The following CELF4 variants were observed in gnomAD, a reference collection of about 807,000 sequenced individuals.
CELF4 encodes the protein CUG-BP- and ETR-3-like factor 4.
A neutral mutation model predicts 59.9 loss-of-function variants in CELF4; 18 were observed. That is an observed-to-expected ratio of 0.30 (90% CI 0.21 to 0.45). The LOEUF is 0.45. Ranked by LOEUF, CELF4 falls within the 20% of genes least tolerant of loss-of-function variation. The pLI, the probability that CELF4 is intolerant of heterozygous loss-of-function variation, is 1.00. For missense variants in CELF4, 456 were observed against 689.0 expected (o/e 0.66, Z 3.79); for synonymous variants, 261 against 267.1 (o/e 0.98, Z 0.22).
chr18:37,388,435 C>T (rs1317533528), intron 2 of CELF4, among the ~76,000 whole-genome samples: 1 of 151,524 alleles, frequency 6.6e-6, no homozygotes. Flanking sequence ...TTCCCCCCTC[C>T]TTCTCTCTCC....
intron 1 of CELF4, among the ~76,000 whole-genome samples, chr18:37,502,254 T>C (rs2099932649): frequency 6.6e-6 from 1 of 152,136 alleles, no homozygotes; most frequent in Non-Finnish European, 1.5e-5. Flanking sequence ...GCACAGACCT[T>C]CTCCATGAAA....
Position 37,448,694 on chromosome 18 carries a change from CCA to C in CELF4, c.369+36829_369+36830del, listed in dbSNP as rs561188148. Among the ~76,000 whole-genome samples, 15 of 152,374 alleles carry C rather than the reference CCA, an allele frequency of 9.8e-5. 1 individual carries two copies. The South Asian group carries it at 3.1e-3, about 32-fold the overall frequency. On this transcript the variant is annotated intron_variant, in intron 2 of 12. Coordinates refer to ENST00000420428, the MANE Select transcript of CELF4 (RefSeq NM_020180.4). ...ACTGCCAGGAATAGATGTGGCCACC[CCA>C]CTGCCTGCATGGGTCTGGCAGCCTC...
intron 3 of CELF4, among the ~76,000 whole-genome samples, chr18:37,303,859 A>T (rs1418060936): frequency 6.6e-6 from 1 of 151,938 alleles, no homozygotes; most frequent in Non-Finnish European, 1.5e-5. Flanking sequence ...GTTTCCAGAC[A>T]CTGTCATTCT....
At chr18:37,353,233 A>AAAAAAAAATATATATATATAT (rs71168258) in intron 2 of CELF4, among the ~76,000 whole-genome samples, 1 of 106,990 alleles carries the variant, frequency 9.3e-6, no homozygotes, top group Non-Finnish European at 1.8e-5. Context: ...AAAAAAAAAA[A>AAAAAAAAATATATATATATAT]ATATATATAT....
In CELF4 at chr18:37,245,860, A is replaced by C. The variant is rs1273463160; in HGVS notation, c.*45-663T>G. On this transcript the variant is annotated intron_variant, in intron 12 of 12. Coordinates refer to ENST00000420428, the MANE Select transcript of CELF4 (RefSeq NM_020180.4). This position sits in a 1 kb window ranked among gnomAD's most constrained non-coding sequence, Gnocchi z 4.1. ...ATATATACACACATACACACACATA[A>C]TACTTTTCTCATACATGCCAGGGAA... Among the ~76,000 whole-genome samples, 2 of 152,238 alleles carry C rather than the reference A, an allele frequency of 1.3e-5. No individual in the cohort carries two copies. The highest frequency in any genetic ancestry group is 4.8e-5 in the African/African-American group (2 of 41,458).
intron 2 of CELF4, among the ~76,000 whole-genome samples, chr18:37,362,227 T>C (rs1294459540): frequency 6.6e-6 from 1 of 152,114 alleles, no homozygotes; most frequent in Non-Finnish European, 1.5e-5. Flanking sequence ...TAACCAGTAA[T>C]TAGCTCCAGC....
At chr18:37,266,342 A>G in intron 9 of CELF4, 191 bp downstream of exon 9, 1 of 645,838 alleles carries the variant, frequency 1.5e-6, no homozygotes, top group East Asian at 2.7e-5. Context: ...ACCCCACTGC[A>G]GGGGCACTCT....
chr18:37,431,495 G>A (rs1194464779), intron 2 of CELF4, among the ~76,000 whole-genome samples: 1 of 150,986 alleles, frequency 6.6e-6, no homozygotes, highest in Non-Finnish European at 1.5e-5. Flanking sequence ...AGCCTCCTGA[G>A]TAGCTGGGAC....
At chr18:37,386,510 C>T (rs77644255) in intron 2 of CELF4, among the ~76,000 whole-genome samples, 4 of 152,050 alleles carry the variant, frequency 2.6e-5, no homozygotes, top group South Asian at 2.1e-4. Context: ...GGCGGAGAGC[C>T]GTACTGACTC....
intron 3 of CELF4, among the ~76,000 whole-genome samples, chr18:37,308,536 C>T (rs2096531275): frequency 6.6e-6 from 1 of 152,186 alleles, no homozygotes. Flanking sequence ...TCTCCCTGCC[C>T]CCAGACTGTA....
intron 3 of CELF4, among the ~76,000 whole-genome samples, chr18:37,290,694 A>T (rs541447490): frequency 7.9e-5 from 12 of 152,128 alleles, no homozygotes; most frequent in Admixed American, 7.9e-4. Flanking sequence ...TCAAACTACA[A>T]CCTGAGCCCA....
intron 2 of CELF4, among the ~76,000 whole-genome samples, chr18:37,484,920 A>G (rs2099877631): frequency 6.6e-6 from 1 of 152,066 alleles, no homozygotes; most frequent in South Asian, 2.1e-4. Flanking sequence ...ATCTCTCTGA[A>G]CCCACAGGAG....
chr18:37,374,325 G>A (rs1183359537), intron 2 of CELF4, among the ~76,000 whole-genome samples: 1 of 152,212 alleles, frequency 6.6e-6, no homozygotes, highest in Non-Finnish European at 1.5e-5. Flanking sequence ...CAGTGCACAG[G>A]GCGGTCCTCA....
rs1280813377 is a variant in CELF4 at position 37,393,806 on chromosome 18, A to G, written c.370-71925T>C. On this transcript the variant is annotated intron_variant, in intron 2 of 12. Coordinates refer to ENST00000420428, the MANE Select transcript of CELF4 (RefSeq NM_020180.4). The stretch of plus-strand genomic sequence containing the variant: ...TCTGAAGGTGCGGAGCACACTTGAC[A>G]GCGACAAATGCTACACTCAAATGAA... 2.0e-5 allele frequency among the ~76,000 whole-genome samples: 3 copies of G among 151,168 alleles called. No individual in the cohort carries two copies. In the East Asian group the frequency reaches 5.8e-4, roughly 29 times the overall value.
chr18:37,404,625 A>G (rs1044651199), intron 2 of CELF4, among the ~76,000 whole-genome samples: 10 of 152,192 alleles, frequency 6.6e-5, no homozygotes, highest in African/African-American at 2.4e-4. Context: ...GACCTGCTCC[A>G]GCACTCTCAC....
At chr18:37,558,676 G>A (rs2099985633) in intron 1 of CELF4, among the ~76,000 whole-genome samples, 1 of 151,872 alleles carries the variant, frequency 6.6e-6, no homozygotes, top group Admixed American at 6.6e-5. Context: ...AGAGGTGAAA[G>A]GAGTGGATTT....
intron 2 of CELF4, among the ~76,000 whole-genome samples, chr18:37,341,757 T>G (rs1012632426): frequency 6.6e-6 from 1 of 152,114 alleles, no homozygotes; most frequent in Non-Finnish European, 1.5e-5. Context: ...TAGGAGTGTA[T>G]GATGACAAAA....
At chr18:37,412,663 G>T (rs1344954467) in intron 2 of CELF4, among the ~76,000 whole-genome samples, 1 of 152,136 alleles carries the variant, frequency 6.6e-6, no homozygotes, top group Non-Finnish European at 1.5e-5. Flanking sequence ...TGAATGGATG[G>T]ATAGATGAGT....
intron 1 of CELF4, among the ~76,000 whole-genome samples, chr18:37,513,704 A>T (rs929155801): frequency 2.0e-5 from 3 of 152,100 alleles, no homozygotes; most frequent in Non-Finnish European, 4.4e-5. Flanking sequence ...GTCCATGCTC[A>T]TCCTGGTTCC....
Sources: gnomAD v4.1 joint callset for allele counts (sites outside exome capture counted in the v4.1 genomes callset) on GRCh38, gnomAD v4.1.1 for gene constraint, Gnocchi (gnomAD v3.1) non-coding constraint, MANE v1.5 for transcripts, NCBI Gene and HGNC (gene_info 2026-07-23, HGNC 2026-07-21) for gene names.